Variants in RB1CC1 observed in about 807,000 individuals in gnomAD.
RB1CC1 encodes RB1 inducible coiled-coil 1.
Under a neutral mutation model 177.5 loss-of-function variants are expected in RB1CC1, and 46 were observed. That is an observed-to-expected ratio of 0.26 (90% confidence interval 0.20 to 0.33). RB1CC1 has a LOEUF of 0.33. Among genes scored for constraint, RB1CC1 ranks in the 10% least tolerant of loss-of-function variants. The pLI is 1.00. For missense variants in RB1CC1, 1,703 were observed against 1,816.3 expected (o/e 0.94, Z 1.13); for synonymous variants, 666 against 613.6 (o/e 1.09, Z -1.26).
chr8:52,624,631 C>G (rs936025914), intron 23 of RB1CC1, 86 bp downstream of exon 23: 1 of 1,094,902 alleles, frequency 9.1e-7, no homozygotes, highest in Non-Finnish European at 1.4e-6. Flanking sequence ...AGGCCAAGAA[C>G]AGCAGTGGTA....
chr8:52,704,850 T>C (rs1181097674), intron 1 of RB1CC1, among the ~76,000 whole-genome samples: 1 of 152,198 alleles, frequency 6.6e-6, no homozygotes, highest in Admixed American at 6.5e-5. Flanking sequence ...TTTCACCAAA[T>C]AGTCACGATT....
chr8:52,695,318 G>A (rs1455853854), intron 1 of RB1CC1, among the ~76,000 whole-genome samples: 1 of 152,212 alleles, frequency 6.6e-6, no homozygotes, highest in Non-Finnish European at 1.5e-5. Flanking sequence ...CAGACCTAGA[G>A]CCAGAAGTAC....
At chr8:52,658,774 T>G in intron 13 of RB1CC1, 99 bp downstream of exon 13, 1 of 716,552 alleles carries the variant, frequency 1.4e-6, no homozygotes, top group Non-Finnish European at 2.1e-6. Flanking sequence ...ATTTCTTATC[T>G]TGGCACCTCT....
At chr8:52,651,092 G>T (rs1850532482) in intron 15 of RB1CC1, among the ~76,000 whole-genome samples, 1 of 152,172 alleles carries the variant, frequency 6.6e-6, no homozygotes, top group Non-Finnish European at 1.5e-5. Flanking sequence ...GCAGAAAAAT[G>T]GAAAATACAT....
At chr8:52,713,916 G>A (rs753149975) in intron 1 of RB1CC1, among the ~76,000 whole-genome samples, 159 bp downstream of exon 1, 3 of 151,986 alleles carry the variant, frequency 2.0e-5, no homozygotes, top group Admixed American at 1.3e-4. Context: ...CTGCCGGGGC[G>A]GGAGGCGCCG....
At chr8:52,697,314 G>C (rs78574367) in intron 1 of RB1CC1, among the ~76,000 whole-genome samples, 3 of 126,456 alleles carry the variant, frequency 2.4e-5, no homozygotes, top group Non-Finnish European at 1.7e-5. Context: ...AAAAAAAAAA[G>C]AAGACTTTTT....
chr8:52,642,915 T>C (rs1234973366), intron 16 of RB1CC1, 103 bp from the exon 17 acceptor site: 7 of 1,194,656 alleles, frequency 5.9e-6, no homozygotes, highest in African/African-American at 1.6e-5. Context: ...CATTTGTACA[T>C]GGAGATGATG....
In RB1CC1 at chr8:52,661,723, T is replaced by A. The variant is rs900031961; in HGVS notation, c.1174-4A>T. The A allele has an allele frequency of 1.2e-5, 18 of 1,538,838 alleles. No individual in the cohort carries two copies. The highest frequency in any genetic ancestry group is 4.4e-5 in the Admixed American group (2 of 45,752). ...TCTTCTGATTAGCTAAAAATCCCTT[T>A]GAGAAAAAAAATGTTTCAAAGGACA... On this transcript the variant is annotated splice_region_variant and splice_polypyrimidine_tract_variant and intron_variant, in intron 8 of 23. Transcript: ENST00000025008.
rs535123560 is a variant in RB1CC1, at chr8:52,642,335, A to G, written c.4337+16T>C. ...TTGCAACAGCCTTAAAAACAGTTGA[A>G]AACAGCCATACTTACTGTACAGACA... On this transcript the variant is annotated intron_variant, in intron 18 of 23. Transcript: ENST00000025008. 6.3e-6 allele frequency: 10 copies of G among 1,595,304 alleles called. No homozygotes were observed. The Admixed American group carries it at 6.8e-5, about 11-fold the overall frequency.
At chr8:52,642,949 A>T in intron 16 of RB1CC1, 137 bp from the exon 17 acceptor site, 1 of 1,022,954 alleles carries the variant, frequency 9.8e-7, no homozygotes, top group Admixed American at 3.8e-5. Context: ...GAAATGTTTT[A>T]AAAATGAAAA....
In RB1CC1 at chr8:52,683,629, C is replaced by T. The variant is rs1853974496; in HGVS notation, c.289G>A (p.Asp97Asn). The T allele has an allele frequency of 1.2e-6, 2 of 1,612,546 alleles. No individual in the cohort carries two copies. The highest frequency in any genetic ancestry group is 2.7e-5 in the African/African-American group (2 of 74,856). Residue 97 changes from aspartate (D) to asparagine (N), a missense_variant, in exon 5 of 24, where the codon GAC (aspartate) becomes AAC (asparagine). Physicochemically the swap from Asp to Asn is conservative, Grantham distance 23. This residue lies in a region of RB1CC1 where 118 missense variants were observed against 121.2 expected (regional missense o/e 0.97). Coordinates refer to ENST00000025008, the MANE Select transcript of RB1CC1 (RefSeq NM_014781.5). ...IPKTTFSTEN[D>N]MEIKVEESLM... The stretch of plus-strand genomic sequence containing the variant: ...GATTCTTCAACTTTTATTTCCATGT[C>T]ATTTTCTGTCGAAAAGGTAGTTTTA...
At chr8:52,676,815 T>C (rs976361034) in intron 5 of RB1CC1, among the ~76,000 whole-genome samples, 1 of 152,196 alleles carries the variant, frequency 6.6e-6, no homozygotes, top group East Asian at 1.9e-4. Context: ...ACGCTACCTC[T>C]GAAAAACAAA....
intron 15 of RB1CC1, among the ~76,000 whole-genome samples, chr8:52,653,831 C>G (rs1031536080): frequency 6.6e-6 from 1 of 152,120 alleles, no homozygotes; most frequent in East Asian, 1.9e-4. Context: ...TGTCAGGGCT[C>G]AAAAAGTTTC....
chr8:52,705,259 C>T (rs1440648776), intron 1 of RB1CC1, among the ~76,000 whole-genome samples: 1 of 152,094 alleles, frequency 6.6e-6, no homozygotes, highest in African/African-American at 2.4e-5. Context: ...TGTATCTATA[C>T]AATAATGGTG....
At position 52,714,076 on chromosome 8, in the gene RB1CC1, C is replaced by G. The variant is rs1236725226; in HGVS notation, c.-168G>C. The stretch of plus-strand genomic sequence containing the variant: ...GACGCGGGCGGCGGCGACACTTACC[C>G]GGCAACGCCTCCTCCTTCGCCGGCG... On this transcript the variant is annotated splice_region_variant and 5_prime_UTR_variant, in exon 1 of 24. Transcript: ENST00000025008. 1 of 354,268 alleles carries G rather than the reference C, an allele frequency of 2.8e-6. No individual in the cohort carries two copies. The allele number at this position is 354,268 out of a possible 1,614,324, so 21.9% of individuals were successfully genotyped here. A position where few individuals can be genotyped will look rare whatever the true frequency, so the allele number is the denominator to read the frequency against.
At chr8:52,636,763 T>C (rs1005632498) in intron 18 of RB1CC1, among the ~76,000 whole-genome samples, 9 of 152,194 alleles carry the variant, frequency 5.9e-5, no homozygotes, top group African/African-American at 2.2e-4. Context: ...AACCTGCGCA[T>C]ATGGTGAGGA....
chr8:52,661,629 T>C lies in RB1CC1; in HGVS notation c.1264A>G (p.Ile422Val), dbSNP rs1851638172. Reference protein sequence around the residue: ...LCLSHANQLMIMLQNHRKLLD... With the variant: ...LCLSHANQLMVMLQNHRKLLD... ...AGTTTTCTATGATTTTGCAACATAA[T>C]CATCAACTGATTTGCGTGACTCAGG... Residue 422 changes from isoleucine to valine, a missense_variant, in exon 9 of 24, where the codon ATT (isoleucine) becomes GTT (valine). Ile to Val is a conservative substitution (Grantham distance 29). Transcript: ENST00000025008. 1.2e-6 allele frequency: 2 copies of C among 1,612,950 alleles called. No homozygotes were observed. Among genetic ancestry groups the C allele is most frequent in the African/African-American group, 2.7e-5 (2 of 75,012 alleles).
chr8:52,705,912 T>C (rs1856502136), intron 1 of RB1CC1, among the ~76,000 whole-genome samples: 1 of 152,250 alleles, frequency 6.6e-6, no homozygotes, highest in African/African-American at 2.4e-5. Flanking sequence ...GATCTATACG[T>C]ATTGATCAGT....
chr8:52,713,244 TG>T (rs1418475661), intron 1 of RB1CC1, among the ~76,000 whole-genome samples: 1 of 152,008 alleles, frequency 6.6e-6, no homozygotes, highest in East Asian at 1.9e-4. Context: ...GAGTCTTCCT[TG>T]GCAGCCAAGT....
Sources: gnomAD v4.1 joint callset for allele counts (sites outside exome capture counted in the v4.1 genomes callset) on GRCh38, gnomAD v4.1.1 for gene constraint, gnomAD v4.1.1 regional missense constraint, MANE v1.5 for transcripts, NCBI Gene and HGNC (gene_info 2026-07-23, HGNC 2026-07-21) for gene names.